GARNL3: variants seen among roughly 807,000 people sequenced by gnomAD.
The protein encoded by GARNL3 is GTPase-activating Rap/Ran-GAP domain-like protein 3.
In GARNL3, 63 loss-of-function variants were observed where a neutral mutation model predicts 125.0. The ratio of observed to expected loss-of-function variants is 0.50; its 90% CI spans 0.41 to 0.62. GARNL3 has a LOEUF of 0.62. Among genes scored for constraint, GARNL3 ranks in the 20% least tolerant of loss-of-function variants. The pLI, the probability that GARNL3 is intolerant of heterozygous loss-of-function variation, is 0.00. For missense variants in GARNL3, 994 were observed against 1,244.0 expected (o/e 0.80, Z 3.02); for synonymous variants, 439 against 457.5 (o/e 0.96, Z 0.52).
At chr9:127,275,289 G>A (rs957527606) in intron 1 of GARNL3, among the ~76,000 whole-genome samples, 1 of 152,174 alleles carries the variant, frequency 6.6e-6, no homozygotes, top group Non-Finnish European at 1.5e-5. Context: ...AGATGAAGAG[G>A]AATTTGGTGT....
intron 22 of GARNL3, among the ~76,000 whole-genome samples, chr9:127,378,732 A>C (rs1395480042): frequency 6.6e-6 from 1 of 152,196 alleles, no homozygotes; most frequent in Non-Finnish European, 1.5e-5. Flanking sequence ...TAAAATTTTT[A>C]AGAGTTTGAG....
chr9:127,324,263 A>G (rs946018174), intron 6 of GARNL3, among the ~76,000 whole-genome samples: 2 of 152,202 alleles, frequency 1.3e-5, no homozygotes, highest in African/African-American at 4.8e-5. Flanking sequence ...TAAAAAAACA[A>G]AAAAAGAAAG....
intron 22 of GARNL3, among the ~76,000 whole-genome samples, chr9:127,378,961 G>A (rs138787744): frequency 6.6e-6 from 1 of 152,124 alleles, no homozygotes; most frequent in Non-Finnish European, 1.5e-5. Context: ...TATTTTTAGT[G>A]GAGATGGGGT....
chr9:127,224,854 C>A (rs2062869089), intron 1 of GARNL3, among the ~76,000 whole-genome samples: 1 of 137,742 alleles, frequency 7.3e-6, no homozygotes, highest in Admixed American at 7.4e-5. Context: ...GTGCAGAAAG[C>A]CGGCGGCAAG....
chr9:127,380,102 C>T (rs1832162277), intron 22 of GARNL3, among the ~76,000 whole-genome samples: 1 of 151,844 alleles, frequency 6.6e-6, no homozygotes, highest in African/African-American at 2.4e-5. Flanking sequence ...TTGCTTGAAC[C>T]CAAGAGGCAG....
chr9:127,360,195 G>A (rs1830913732), intron 21 of GARNL3, among the ~76,000 whole-genome samples: 3 of 152,002 alleles, frequency 2.0e-5, no homozygotes, highest in African/African-American at 7.2e-5. Context: ...GCTAATTTTT[G>A]TATTTTTAGT....
chr9:127,345,437 C>T lies in GARNL3; in HGVS notation c.1391C>T (p.Ala464Val), dbSNP rs193005175. 3.7e-6 allele frequency: 6 copies of T among 1,607,276 alleles called. No homozygotes were observed. The Middle Eastern group carries it at 6.6e-4, about 177-fold the overall frequency. ...LKLKSIVRGD[A>V]PSSLAASGIC... ...CTGAAATCCATTGTGAGAGGGGATG[C>T]TCCATCAAGCTTGGCAGCTTCAGGG... is the stretch of plus-strand genomic sequence containing the variant. The change falls in exon 16 of 28, where the codon GCT (alanine) becomes GTT (valine). Residue 464 changes from alanine to valine, a missense_variant. Transcript: ENST00000373387.
intron 2 of GARNL3, among the ~76,000 whole-genome samples, chr9:127,299,719 A>T (rs758498434): frequency 6.6e-6 from 1 of 151,962 alleles, no homozygotes. Flanking sequence ...TACAGGCACC[A>T]GCCACCACAC....
Position 127,389,082 on chromosome 9 carries a change from C to A in GARNL3, c.2706C>A (p.Ile902=), listed in dbSNP as rs1405657491. The A allele has an allele frequency of 6.2e-7, 1 of 1,614,120 alleles. No homozygotes were observed. Among genetic ancestry groups the A allele is most frequent in the Non-Finnish European group, 8.5e-7 (1 of 1,180,006 alleles). ...CCTTGTCCCTGTCTCGCATGGAGAT[C>A]AAAGAAATAGCAAGCAGGACCCGCA... ...THSLSLSRME[I]KEIASRTRRE... The change falls in exon 26 of 28, where the codon ATC becomes ATA. Residue 902 remains isoleucine (I), a synonymous_variant. Coordinates refer to ENST00000373387, the MANE Select transcript of GARNL3 (RefSeq NM_032293.5).
chr9:127,341,419 A>G (rs755395913), intron 13 of GARNL3, among the ~76,000 whole-genome samples: 2 of 152,238 alleles, frequency 1.3e-5, no homozygotes, highest in Non-Finnish European at 2.9e-5. Context: ...AGCATGCACC[A>G]TGGCCAGGGT....
chr9:127,239,702 G>A (rs1312480413), intron 1 of GARNL3, among the ~76,000 whole-genome samples: 1 of 152,142 alleles, frequency 6.6e-6, no homozygotes, highest in African/African-American at 2.4e-5. Context: ...AGAAGGTTAA[G>A]AGGAACATAT....
rs2065136963 is a variant in GARNL3, at chr9:127,313,008, T to C, written c.320-433T>C. Among the ~76,000 whole-genome samples the C allele has an allele frequency of 4.6e-5, 7 of 152,158 alleles. No homozygotes were observed. In the South Asian group the frequency reaches 1.5e-3, roughly 32 times the overall value. On this transcript the variant is annotated intron_variant, in intron 3 of 27. Coordinates refer to ENST00000373387, the MANE Select transcript of GARNL3 (RefSeq NM_032293.5). ...CTTGGGGGATTCAGAGGCCCAGTAA[T>C]GTCAAGGACCCAGGCCTTTTCCGTT...
At chr9:127,329,249 C>T (rs887625094) in intron 7 of GARNL3, among the ~76,000 whole-genome samples, 1 of 152,154 alleles carries the variant, frequency 6.6e-6, no homozygotes. Context: ...CTGGAATCTC[C>T]ACCTGAAACA....
intron 1 of GARNL3, among the ~76,000 whole-genome samples, chr9:127,231,821 G>A (rs931440290): frequency 2.0e-5 from 3 of 152,166 alleles, no homozygotes. Context: ...TAGGAGGAGG[G>A]CTTCTTAAAA....
At chr9:127,316,573 A>C (rs1385629939) in intron 4 of GARNL3, among the ~76,000 whole-genome samples, 1 of 152,154 alleles carries the variant, frequency 6.6e-6, no homozygotes, top group Non-Finnish European at 1.5e-5. Context: ...AGAATCAGAA[A>C]ACGTGTATTT....
At chr9:127,232,877 A>G (rs893992329) in intron 1 of GARNL3, among the ~76,000 whole-genome samples, 1 of 152,126 alleles carries the variant, frequency 6.6e-6, no homozygotes, top group Non-Finnish European at 1.5e-5. Flanking sequence ...ACTTAATTTC[A>G]ATGTAGGATC....
At position 127,235,152 on chromosome 9, in the gene GARNL3, A is replaced by G. The variant is rs145088415; in HGVS notation, c.-28-7927A>G. 3.0e-3 allele frequency among the ~76,000 whole-genome samples: 455 copies of G among 151,938 alleles called. 3 individuals are homozygous for G. Among genetic ancestry groups the G allele is most frequent in the African/African-American group, 0.01 (434 of 41,396 alleles). On this transcript the variant is annotated intron_variant, in intron 1 of 10. Coordinates refer to the GARNL3 transcript ENST00000439286. ...ATTGCATATGTAATTTAAAAATTCTAGTGGCCAAATTATTGAGAAAGTTTC... is the reference window on the plus strand; with the variant it reads ...ATTGCATATGTAATTTAAAAATTCTGGTGGCCAAATTATTGAGAAAGTTTC...
At chr9:127,238,234 AC>A (rs1393960965) in intron 1 of GARNL3, among the ~76,000 whole-genome samples, 1 of 152,044 alleles carries the variant, frequency 6.6e-6, no homozygotes, top group African/African-American at 2.4e-5. Context: ...TGATCCGCCC[AC>A]CTTGGCCTTC....
chr9:127,326,375 G>C (rs1183395321), intron 7 of GARNL3, among the ~76,000 whole-genome samples: 3 of 152,104 alleles, frequency 2.0e-5, no homozygotes, highest in African/African-American at 7.2e-5. Context: ...AGTATTTGTT[G>C]GTTGAACAAG....
Sources: gnomAD v4.1 joint callset for allele counts (sites outside exome capture counted in the v4.1 genomes callset) on GRCh38, gnomAD v4.1.1 for gene constraint, MANE v1.5 for transcripts, NCBI Gene and HGNC (gene_info 2026-07-23, HGNC 2026-07-21) for gene names.